Variants in INPP4B observed in about 807,000 individuals in gnomAD.
INPP4B encodes inositol polyphosphate-4-phosphatase type II B.
Under a neutral mutation model 122.5 loss-of-function variants are expected in INPP4B, and 55 were observed. The ratio of observed to expected loss-of-function variants is 0.45; its 90% CI spans 0.36 to 0.56. The LOEUF (loss-of-function observed/expected upper bound fraction) is 0.56, where lower values mean the gene tolerates loss of function less well. Ranked by LOEUF, INPP4B falls within the 20% of genes least tolerant of loss-of-function variation. The pLI is 0.00. For missense variants in INPP4B, 1,000 were observed against 1,097.7 expected (o/e 0.91, Z 1.26); for synonymous variants, 403 against 388.7 (o/e 1.04, Z -0.43).
At chr4:142,155,979 C>T (rs939205562) in intron 17 of INPP4B, among the ~76,000 whole-genome samples, 2 of 146,622 alleles carry the variant, frequency 1.4e-5, no homozygotes, top group African/African-American at 4.9e-5. Context: ...GTAACATAAA[C>T]ACATTTAACA....
intron 25 of INPP4B, among the ~76,000 whole-genome samples, chr4:142,037,084 A>AAATC (rs781746610): frequency 2.0e-5 from 3 of 152,226 alleles, no homozygotes; most frequent in Non-Finnish European, 4.4e-5. Flanking sequence ...CCGTGGAAGC[A>AAATC]AATCACAATG....
intron 2 of INPP4B, among the ~76,000 whole-genome samples, chr4:142,534,075 G>T (rs1225133185): frequency 1.3e-5 from 2 of 152,130 alleles, no homozygotes; most frequent in Admixed American, 6.6e-5. Flanking sequence ...TAGAGACATG[G>T]ATCAGAGCCC....
intron 14 of INPP4B, among the ~76,000 whole-genome samples, chr4:142,204,804 A>T (rs957987896): frequency 2.6e-5 from 4 of 152,018 alleles, no homozygotes; most frequent in African/African-American, 9.7e-5. Context: ...ACGAGGAAGG[A>T]TTACTCCATA....
intron 1 of INPP4B, among the ~76,000 whole-genome samples, chr4:142,813,127 T>C (rs1306111349): frequency 6.6e-6 from 1 of 152,190 alleles, no homozygotes; most frequent in Non-Finnish European, 1.5e-5. Flanking sequence ...ACATGAACTC[T>C]TTCTAAACCC....
chr4:142,513,046 T>C (rs1408358613), intron 2 of INPP4B, among the ~76,000 whole-genome samples: 1 of 152,164 alleles, frequency 6.6e-6, no homozygotes, highest in Admixed American at 6.6e-5. Flanking sequence ...AAGAACTCTT[T>C]ATAAACTTCA....
intron 2 of INPP4B, among the ~76,000 whole-genome samples, chr4:142,629,431 G>A (rs746852397): frequency 5.9e-5 from 9 of 152,078 alleles, no homozygotes; most frequent in Non-Finnish European, 1.3e-4. Context: ...TAAATGCAGA[G>A]ATTCTGATTT....
At chr4:142,471,239 A>C (rs1473475028) in intron 2 of INPP4B, among the ~76,000 whole-genome samples, 1 of 152,226 alleles carries the variant, frequency 6.6e-6, no homozygotes, top group Non-Finnish European at 1.5e-5. Context: ...TAATTCAAAC[A>C]ATGTTAGCTA....
intron 25 of INPP4B, among the ~76,000 whole-genome samples, chr4:142,035,068 T>C (rs1411846369): frequency 6.6e-6 from 1 of 152,196 alleles, no homozygotes; most frequent in African/African-American, 2.4e-5. Context: ...CTCGCTCATC[T>C]TCCTACCTCT....
At chr4:142,783,847 A>G (rs1775292651) in intron 1 of INPP4B, among the ~76,000 whole-genome samples, 2 of 152,164 alleles carry the variant, frequency 1.3e-5, no homozygotes, top group African/African-American at 4.8e-5. Context: ...CAAATAGTGA[A>G]TGTAGAGCAG....
At chr4:142,164,013 C>A (rs1185032987) in intron 16 of INPP4B, among the ~76,000 whole-genome samples, 2 of 151,670 alleles carry the variant, frequency 1.3e-5, no homozygotes, top group Non-Finnish European at 2.9e-5. Context: ...GAACGTAAGG[C>A]AGATCTATTT....
At chr4:142,146,137 G>T in intron 17 of INPP4B, 141 bp from the exon 18 acceptor site, 1 of 890,162 alleles carries the variant, frequency 1.1e-6, no homozygotes, top group Non-Finnish European at 1.7e-6. Flanking sequence ...CCATTAATTT[G>T]GTCAGACTAT....
chr4:142,073,519 T>A (rs1436854941), intron 25 of INPP4B, among the ~76,000 whole-genome samples: 1 of 152,084 alleles, frequency 6.6e-6, no homozygotes, highest in African/African-American at 2.4e-5. Flanking sequence ...TTGAAGCCAT[T>A]TTATGACAGT....
At chr4:142,281,615 C>T (rs1751245634) in intron 9 of INPP4B, among the ~76,000 whole-genome samples, 1 of 151,866 alleles carries the variant, frequency 6.6e-6, no homozygotes, top group Non-Finnish European at 1.5e-5. Context: ...TCTAAAATAA[C>T]AGCTAGTATT....
At chr4:142,692,766 C>A (rs1376711205) in intron 2 of INPP4B, among the ~76,000 whole-genome samples, 5 of 152,162 alleles carry the variant, frequency 3.3e-5, no homozygotes, top group South Asian at 4.1e-4. Flanking sequence ...GGCCAGGGAA[C>A]AAGTCCTTTC....
At chr4:142,417,755 A>T (rs569483906) in intron 5 of INPP4B, among the ~76,000 whole-genome samples, 1 of 152,016 alleles carries the variant, frequency 6.6e-6, no homozygotes, top group Non-Finnish European at 1.5e-5. Context: ...GGAATGATGA[A>T]TTTTTCAGGA....
chr4:142,839,733 A>C (rs1009703808), intron 1 of INPP4B, among the ~76,000 whole-genome samples: 1 of 152,248 alleles, frequency 6.6e-6, no homozygotes, highest in Non-Finnish European at 1.5e-5. Context: ...CCACAATTTG[A>C]CAATTATTGA....
intron 3 of INPP4B, among the ~76,000 whole-genome samples, chr4:142,451,481 C>A (rs928687568): frequency 2.0e-5 from 3 of 151,946 alleles, no homozygotes; most frequent in African/African-American, 7.2e-5. Flanking sequence ...AAACTCCTGA[C>A]TTCAAGTGAT....
intron 9 of INPP4B, among the ~76,000 whole-genome samples, chr4:142,286,703 T>C (rs1228334811): frequency 6.6e-6 from 1 of 152,182 alleles, no homozygotes; most frequent in African/African-American, 2.4e-5. Flanking sequence ...GAAGGGCTTA[T>C]GGCCACCTTA....
At chr4:142,621,781 TA>T (rs1744989774) in intron 2 of INPP4B, among the ~76,000 whole-genome samples, 1 of 150,920 alleles carries the variant, frequency 6.6e-6, no homozygotes, top group Non-Finnish European at 1.5e-5. Flanking sequence ...ATATTATGTA[TA>T]AAAATATTAT....
Sources: allele counts gnomAD v4.1 joint callset (sites outside exome capture counted in the v4.1 genomes callset), GRCh38; gene constraint gnomAD v4.1.1; transcripts MANE v1.5; gene names NCBI Gene and HGNC (gene_info 2026-07-23, HGNC 2026-07-21).